JPT1: variants seen among roughly 807,000 people sequenced by gnomAD.
The protein encoded by JPT1 is Jupiter microtubule associated homolog 1.
A neutral mutation model predicts 17.0 loss-of-function variants in JPT1; 5 were observed. The observed-to-expected ratio is 0.29, with a 90% confidence interval of 0.15 to 0.62. The LOEUF is 0.62. Among genes scored for constraint, JPT1 ranks in the 20% least tolerant of loss-of-function variants. JPT1 has a pLI of 0.85. For synonymous variants in JPT1, 71 were observed against 73.6 expected, an observed-to-expected ratio of 0.96 and a Z score of 0.18; for missense variants, 158 against 188.1, an observed-to-expected ratio of 0.84 and a Z score of 0.94.
chr17:75,145,422 A>C (rs2074408035), intron 4 of JPT1: 1 of 152,202 alleles, frequency 6.6e-6, no homozygotes, highest in Admixed American at 6.6e-5. Flanking sequence ...CTTGTTACAG[A>C]AATGCCAATA....
Position 75,147,598 on chromosome 17 carries a change from C to T in JPT1, c.255G>A (p.Arg85=). 6.2e-7 allele frequency: 1 copy of T among 1,614,014 alleles called. No homozygotes were observed. The highest frequency in any genetic ancestry group is 8.5e-7 in the Non-Finnish European group (1 of 1,179,918). Residue 85 remains arginine, a synonymous_variant, in exon 3 of 5, where the codon AGG becomes AGA. Transcript: ENST00000409753. ...CTCCGGAGCTTGCTTCAGAGGAGTT[C>T]CTTCTCTGCAGTCCAGATGACTCCA... ...EDLESSGLQR[R]NSSEASSGDF... is the part of the protein sequence containing the mutation.
chr17:75,138,425 T>G (rs1451098459), intron 4 of JPT1: 1 of 151,734 alleles, frequency 6.6e-6, no homozygotes, highest in African/African-American at 2.4e-5. Flanking sequence ...TTTTTTTTTT[T>G]TGAGACTGTG....
intron 4 of JPT1, among the ~76,000 whole-genome samples, chr17:75,141,697 G>C (rs146447893): frequency 0.011 from 1,591 of 151,508 alleles, 30 homozygotes; most frequent in South Asian, 0.083. Context: ...ATAACCACTG[G>C]GGGGAAAAAG....
intron 1 of JPT1, chr17:75,153,904 G>A (rs1016878635): frequency 7.9e-5 from 12 of 152,780 alleles, no homozygotes; most frequent in African/African-American, 2.6e-4. Flanking sequence ...GGAGAGACAG[G>A]AGCGCGTGGC....
At chr17:75,138,822 TTTTA>T (rs1314836817) in intron 4 of JPT1, among the ~76,000 whole-genome samples, 90 of 152,332 alleles carry the variant, frequency 5.9e-4, no homozygotes, top group Middle Eastern at 6.8e-3. Context: ...CAGACATTTA[TTTTA>T]TTTATTTATT....
At position 75,154,504 on chromosome 17, in the gene JPT1, G is replaced by A. The variant is rs979350843; in HGVS notation, c.-107C>T. On this transcript the variant is annotated 5_prime_UTR_variant, in exon 1 of 5. Coordinates refer to ENST00000409753, the MANE Select transcript of JPT1 (RefSeq NM_016185.4). ...CCAACAGCCGACCACCGCTGCAGGA[G>A]CCGCCGCTGCCGCCTGTCCGGCCGA... 19 of 961,504 alleles carry A rather than the reference G, an allele frequency of 2.0e-5. No individual in the cohort carries two copies. The highest frequency in any genetic ancestry group is 6.1e-5 in the East Asian group (2 of 33,026). The allele number at this position is 961,504 out of a possible 1,614,324, so 59.6% of individuals were successfully genotyped here. A position where few individuals can be genotyped will look rare whatever the true frequency, so the allele number is the denominator to read the frequency against.
At chr17:75,147,427 T>C in intron 3 of JPT1, 129 bp downstream of exon 3, 1 of 627,478 alleles carries the variant, frequency 1.6e-6, no homozygotes, top group Non-Finnish European at 2.9e-6. Context: ...TCTTCCATTA[T>C]CAATATGGCC....
intron 1 of JPT1, chr17:75,154,137 A>G (rs1002979045): frequency 3.7e-6 from 1 of 270,150 alleles, no homozygotes; most frequent in Non-Finnish European, 6.8e-6. Context: ...ATGAATGGAG[A>G]GCAGCAGGGA....
At chr17:75,139,848 G>A (rs1316496597) in intron 4 of JPT1, among the ~76,000 whole-genome samples, 1 of 152,144 alleles carries the variant, frequency 6.6e-6, no homozygotes, top group Non-Finnish European at 1.5e-5. Context: ...CCAGTCAGAA[G>A]TACTCCACCC....
rs1157551493 is a variant in JPT1 at position 75,136,330 on chromosome 17, T to C, written c.317-80A>G. ...GATCAAGGATCTGTTTCTCTTTTTC[T>C]TTTTTTTTTGGTTTGATGGTTGGAA... On this transcript the variant is annotated intron_variant, in intron 4 of 4. Transcript: ENST00000409753. 2.6e-5 allele frequency: 26 copies of C among 1,019,420 alleles called. No individual in the cohort carries two copies. The East Asian group carries it at 7.8e-4, about 30-fold the overall frequency. 63.1% of individuals were successfully genotyped at this position (1,019,420 alleles called of 1,614,324 possible).
At chr17:75,152,611 G>A (rs1408789402) in intron 1 of JPT1, among the ~76,000 whole-genome samples, 2 of 152,190 alleles carry the variant, frequency 1.3e-5, no homozygotes, top group Non-Finnish European at 2.9e-5. Flanking sequence ...GAAAAACTAA[G>A]TGTGAGGATT....
Position 75,136,157 on chromosome 17 carries a change from G to A in JPT1, c.410C>T (p.Pro137Leu). ...APVPSPVAPA[P>L]VPSRRNPPGG... ...AGGGGGATTTCTTCTGGATGGCACTGGGGCCGGGGCCACCGGGCTGGGCAC... is the reference window on the plus strand; with the variant it reads ...AGGGGGATTTCTTCTGGATGGCACTAGGGCCGGGGCCACCGGGCTGGGCAC... Residue 137 changes from proline to leucine, a missense_variant, in exon 5 of 5, where the codon CCA becomes CTA. Coordinates refer to ENST00000409753, the MANE Select transcript of JPT1 (RefSeq NM_016185.4). 6.2e-7 allele frequency: 1 copy of A among 1,614,196 alleles called. No homozygotes were observed. Among genetic ancestry groups the A allele is most frequent in the Non-Finnish European group, 8.5e-7 (1 of 1,180,036 alleles).
chr17:75,142,728 G>T (rs1435656919), intron 4 of JPT1: 1 of 454,944 alleles, frequency 2.2e-6, no homozygotes, highest in Non-Finnish European at 4.4e-6. Context: ...AAGAAGGAAG[G>T]AAGCAAGAAG....
intron 2 of JPT1, chr17:75,147,874 T>TAGG (rs2074470428): frequency 2.1e-6 from 1 of 482,284 alleles, no homozygotes; most frequent in Non-Finnish European, 3.8e-6. Flanking sequence ...TGGTGCATGC[T>TAGG]TGTAATCCTA....
intron 4 of JPT1, 51 bp downstream of exon 4, chr17:75,146,615 T>G (rs200574739): frequency 6.9e-5 from 94 of 1,358,482 alleles, no homozygotes; most frequent in Middle Eastern, 3.6e-4. Context: ...GATTCAGATC[T>G]GTCCTAAAAC....
intron 4 of JPT1, among the ~76,000 whole-genome samples, chr17:75,139,028 C>T (rs1377519374): frequency 6.6e-6 from 1 of 152,136 alleles, no homozygotes; most frequent in Non-Finnish European, 1.5e-5. Context: ...CATTAGTTTC[C>T]TTGGTTACAT....
intron 4 of JPT1, chr17:75,145,384 C>G (rs2074406691): frequency 6.6e-6 from 1 of 152,166 alleles, no homozygotes; most frequent in Non-Finnish European, 1.5e-5. Context: ...CACTTACAAA[C>G]CTTGCACTCA....
At chr17:75,152,014 C>G (rs2074562413) in intron 1 of JPT1, among the ~76,000 whole-genome samples, 2 of 151,902 alleles carry the variant, frequency 1.3e-5, no homozygotes, top group Non-Finnish European at 2.9e-5. Flanking sequence ...TACCCGAACA[C>G]CAGCTTAAGA....
intron 1 of JPT1, chr17:75,149,186 CTA>C (rs1443261225): frequency 2.1e-6 from 1 of 471,084 alleles, no homozygotes; most frequent in South Asian, 1.7e-5. Flanking sequence ...CCCCGTGTCT[CTA>C]TAAAAAAAAA....
Sources: gnomAD v4.1 joint callset for allele counts (sites outside exome capture counted in the v4.1 genomes callset) on GRCh38, gnomAD v4.1.1 for gene constraint, MANE v1.5 for transcripts, NCBI Gene and HGNC (gene_info 2026-07-23, HGNC 2026-07-21) for gene names.